ZNF862: variants seen among roughly 807,000 people sequenced by gnomAD.
The protein encoded by ZNF862 is zinc finger protein 862.
Under a neutral mutation model 91.1 loss-of-function variants are expected in ZNF862, and 64 were observed. The ratio of observed to expected loss-of-function variants is 0.70; its 90% CI spans 0.57 to 0.87. The LOEUF is 0.87. Ranked by LOEUF, ZNF862 falls within the 40% of genes least tolerant of loss-of-function variation. The pLI, the probability that ZNF862 is intolerant of heterozygous loss-of-function variation, is 0.00. For missense variants in ZNF862, 1,459 were observed against 1,528.0 expected (o/e 0.95, Z 0.75); for synonymous variants, 631 against 618.1 (o/e 1.02, Z -0.31).
rs780487873 is a variant in ZNF862, at chr7:149,861,372, G to A, written c.2212G>A (p.Gly738Arg). The change falls in exon 7 of 8, where the codon GGG becomes AGG. Residue 738 changes from glycine to arginine, a missense_variant. Transcript: ENST00000223210. The surrounding 1 kb of genome is among the most constrained non-coding windows in gnomAD (Gnocchi z 6.7). ...GCACCTGGCTGTGGTGGACGCCTGCGGGAGCATCGATCTGGTGAAGAAGTG... is the reference window on the plus strand; with the variant it reads ...GCACCTGGCTGTGGTGGACGCCTGCAGGAGCATCGATCTGGTGAAGAAGTG... ...RLHLAVVDAC[G>R]SIDLVKKCDR... 6 of 1,613,064 alleles carry A rather than the reference G, an allele frequency of 3.7e-6. No homozygotes were observed. In the Middle Eastern group the frequency reaches 5.0e-4, roughly 133 times the overall value.
chr7:149,853,021 G>T (rs1165523104), intron 5 of ZNF862, among the ~76,000 whole-genome samples: 2 of 152,244 alleles, frequency 1.3e-5, no homozygotes, highest in African/African-American at 4.8e-5. Context: ...GACATGTGAT[G>T]ATGGCCTCCA....
At chr7:149,854,568 A>G (rs552828313) in intron 5 of ZNF862, among the ~76,000 whole-genome samples, 1 of 152,166 alleles carries the variant, frequency 6.6e-6, no homozygotes, top group South Asian at 2.1e-4. Context: ...TTATCTCACA[A>G]CTCTGCAGGT....
In ZNF862 at chr7:149,850,901, C is replaced by T. The variant is rs555339357; in HGVS notation, c.1117+563C>T. The T allele has an allele frequency of 1.6e-3, 244 of 153,626 alleles. No homozygotes were observed. The highest frequency in any genetic ancestry group is 2.8e-3 in the Non-Finnish European group (192 of 68,944). The allele number at this position is 153,626 out of a possible 1,614,324, so 9.5% of individuals were successfully genotyped here. ...TCTGTGCAGCCCAGGGCTAAGGCTC[C>T]TGCATCCTGGCCAGGCGCCGGCAAG... On this transcript the variant is annotated intron_variant, in intron 5 of 7. Transcript: ENST00000223210. This position sits in a 1 kb window ranked among gnomAD's most constrained non-coding sequence, Gnocchi z 4.2.
intron 1 of ZNF862, chr7:149,841,266 T>G: frequency 1.0e-6 from 1 of 985,430 alleles, no homozygotes; most frequent in Non-Finnish European, 1.2e-6. Context: ...ATTACTAGAC[T>G]CTTCCTTGGG....
chr7:149,844,542 G>T, intron 1 of ZNF862, 83 bp from the exon 2 acceptor site: 1 of 900,424 alleles, frequency 1.1e-6, no homozygotes, highest in East Asian at 2.7e-5. Context: ...CCCGTGTAGG[G>T]TGCCCTCAGG....
rs970887167 is a variant in ZNF862, at chr7:149,838,586, C to T, written c.-26C>T. ...CAGGCCAGGCCGCGGGGGGAGGGGGCGGCACGGGCCTCCGAAAGCGGGGCC... is the reference window on the plus strand; with the variant it reads ...CAGGCCAGGCCGCGGGGGGAGGGGGTGGCACGGGCCTCCGAAAGCGGGGCC... On this transcript the variant is annotated 5_prime_UTR_variant, in exon 1 of 8. Transcript: ENST00000223210. The T allele has an allele frequency of 4.9e-6, 6 of 1,215,912 alleles. No homozygotes were observed. Among genetic ancestry groups the T allele is most frequent in the Non-Finnish European group, 5.1e-6 (5 of 972,796 alleles). The allele number at this position is 1,215,912 out of a possible 1,614,324, so 75.3% of individuals were successfully genotyped here. A position where few individuals can be genotyped will look rare whatever the true frequency, so the allele number is the denominator to read the frequency against.
intron 6 of ZNF862, 30 bp from the exon 7 acceptor site, chr7:149,860,353 G>T: frequency 6.3e-7 from 1 of 1,582,362 alleles, no homozygotes; most frequent in East Asian, 2.2e-5. Context: ...CTGGGTAGCA[G>T]AACCAAGCAT....
At position 149,859,544 on chromosome 7, in the gene ZNF862, G is replaced by A. The variant is rs1376886392; in HGVS notation, c.1222+18G>A. 1.3e-6 allele frequency: 2 copies of A among 1,541,970 alleles called. No homozygotes were observed. The highest frequency in any genetic ancestry group is 1.8e-6 in the Non-Finnish European group (2 of 1,139,108). On this transcript the variant is annotated intron_variant, in intron 6 of 7. Transcript: ENST00000223210. Reference sequence around the variant, plus strand: ...TCCTCCAGGTGAGTGTAAACCTACAGCATTCTGAAGGACATGTGCCAGGGC... The same window carrying A: ...TCCTCCAGGTGAGTGTAAACCTACAACATTCTGAAGGACATGTGCCAGGGC...
intron 1 of ZNF862, 83 bp downstream of exon 1, chr7:149,838,718 G>C: frequency 1.1e-6 from 1 of 940,634 alleles, no homozygotes; most frequent in Non-Finnish European, 1.4e-6. Flanking sequence ...CGGCTCGGGC[G>C]GAGGCCCCGC....
In ZNF862 at chr7:149,850,028, T is replaced by G. The variant is rs1243476044; in HGVS notation, c.940-133T>G. The stretch of plus-strand genomic sequence containing the variant: ...GATTCTTTGACTTTCAGTGGATAAA[T>G]TAATTCCTCTGAGTGCATCTGGGCC... On this transcript the variant is annotated intron_variant, in intron 4 of 7. Transcript: ENST00000223210. The surrounding 1 kb of genome is among the most constrained non-coding windows in gnomAD (Gnocchi z 4.2). 2 of 887,676 alleles carry G rather than the reference T, an allele frequency of 2.3e-6. No individual in the cohort carries two copies. The highest frequency in any genetic ancestry group is 5.3e-5 in the East Asian group (2 of 37,488). The allele number at this position is 887,676 out of a possible 1,614,324, so 55.0% of individuals were successfully genotyped here. A position where few individuals can be genotyped will look rare whatever the true frequency, so the allele number is the denominator to read the frequency against.
intron 7 of ZNF862, among the ~76,000 whole-genome samples, chr7:149,862,912 G>A (rs1424134456): frequency 1.3e-5 from 2 of 152,260 alleles, no homozygotes; most frequent in African/African-American, 2.4e-5. Context: ...ACTGCTGGGA[G>A]TAAGGAGAGG....
intron 3 of ZNF862, 133 bp downstream of exon 3, chr7:149,846,388 A>G: frequency 1.5e-6 from 1 of 660,388 alleles, no homozygotes; most frequent in East Asian, 2.8e-5. Flanking sequence ...CCCAGGTGCC[A>G]TCTGATTAAT....
chr7:149,854,596 C>T (rs1802192905), intron 5 of ZNF862, among the ~76,000 whole-genome samples: 1 of 152,196 alleles, frequency 6.6e-6, no homozygotes, highest in Non-Finnish European at 1.5e-5. Context: ...CCAGGTGGGC[C>T]TGATCAGGTT....
At chr7:149,840,694 A>T (rs902956866) in intron 1 of ZNF862, among the ~76,000 whole-genome samples, 2 of 151,744 alleles carry the variant, frequency 1.3e-5, no homozygotes, top group African/African-American at 4.9e-5. Context: ...TTAGATACGC[A>T]AATACTTACC....
chr7:149,844,543 T>C, intron 1 of ZNF862, 82 bp from the exon 2 acceptor site: 1 of 902,506 alleles, frequency 1.1e-6, no homozygotes, highest in Non-Finnish European at 1.7e-6. Flanking sequence ...CCGTGTAGGG[T>C]GCCCTCAGGT....
Position 149,838,650 on chromosome 7 carries a change from C to T in ZNF862, c.24+15C>T, listed in dbSNP as rs574881145. On this transcript the variant is annotated intron_variant, in intron 1 of 7. Coordinates refer to ENST00000223210, the MANE Select transcript of ZNF862 (RefSeq NM_001099220.3). ...AGTCGGGGAAGGTAGGACTGGAAGG[C>T]CCGGGGGCCGCCCGCTCCCTCCCGA... 7 of 1,223,014 alleles carry T rather than the reference C, an allele frequency of 5.7e-6. No individual in the cohort carries two copies. The South Asian group carries it at 2.9e-4, about 51-fold the overall frequency. The allele number at this position is 1,223,014 out of a possible 1,614,324, so 75.8% of individuals were successfully genotyped here.
intron 1 of ZNF862, among the ~76,000 whole-genome samples, chr7:149,838,911 T>C (rs906607959): frequency 3.9e-5 from 6 of 152,192 alleles, no homozygotes; most frequent in Non-Finnish European, 5.9e-5. Context: ...AGTGGAGCGA[T>C]GCGAAGGTGC....
intron 5 of ZNF862, chr7:149,856,215 C>T (rs2128939848): frequency 6.6e-6 from 1 of 152,384 alleles, no homozygotes; most frequent in Non-Finnish European, 1.5e-5. Context: ...CGGAATCACA[C>T]TTTCATATCC....
chr7:149,839,947 T>C (rs1801640541), intron 1 of ZNF862, among the ~76,000 whole-genome samples: 1 of 152,160 alleles, frequency 6.6e-6, no homozygotes, highest in South Asian at 2.1e-4. Flanking sequence ...TGATTTGAAG[T>C]TGATTTCCAA....
Sources: allele counts gnomAD v4.1 joint callset (sites outside exome capture counted in the v4.1 genomes callset), GRCh38; gene constraint gnomAD v4.1.1; non-coding constraint Gnocchi (gnomAD v3.1); transcripts MANE v1.5; gene names NCBI Gene and HGNC (gene_info 2026-07-23, HGNC 2026-07-21).